ADGRL3: variants seen among roughly 807,000 people sequenced by gnomAD.
ADGRL3 encodes the protein adhesion G protein-coupled receptor L3.
In ADGRL3, 62 loss-of-function variants were observed where a neutral mutation model predicts 153.5. The ratio of observed to expected loss-of-function variants is 0.40; its 90% confidence interval spans 0.33 to 0.50. The LOEUF (loss-of-function observed/expected upper bound fraction) is 0.50, where lower values mean the gene tolerates loss of function less well. Among genes scored for constraint, ADGRL3 ranks in the 20% least tolerant of loss-of-function variants. ADGRL3 has a pLI of 0.47. For synonymous variants in ADGRL3, 710 were observed against 672.5 expected, an observed-to-expected ratio of 1.06 and a Z score of -0.86; for missense variants, 1,641 against 1,859.4, an observed-to-expected ratio of 0.88 and a Z score of 2.16.
At position 61,676,799 on chromosome 4, in the gene ADGRL3, A is replaced by G. The variant is rs368117520; in HGVS notation, c.474-27A>G. On this transcript the variant is annotated intron_variant, in intron 5 of 26. Coordinates refer to ENST00000683033, the MANE Select transcript of ADGRL3 (RefSeq NM_001387552.1). ...TAATTTAACTTTGCATAAGCTTACT[A>G]CTTCTTTTCCTTTCTTTTGACTTCA... is the stretch of plus-strand genomic sequence containing the variant. The G allele has an allele frequency of 2.5e-5, 36 of 1,445,582 alleles. No individual in the cohort carries two copies. In the African/African-American group the frequency reaches 4.8e-4, roughly 19 times the overall value. The allele number at this position is 1,445,582 out of a possible 1,614,324, so 89.5% of individuals were successfully genotyped here.
intron 9 of ADGRL3, among the ~76,000 whole-genome samples, chr4:61,860,868 A>G (rs1309511083): frequency 1.3e-5 from 2 of 152,186 alleles, no homozygotes; most frequent in African/African-American, 4.8e-5. Context: ...AGCAAGTGCA[A>G]AGTAACATAA....
chr4:61,408,345 G>A (rs2097030960), intron 2 of ADGRL3, among the ~76,000 whole-genome samples: 1 of 151,750 alleles, frequency 6.6e-6, no homozygotes, highest in African/African-American at 2.4e-5. Flanking sequence ...TTGGCCAGTG[G>A]GAAGGCTATT....
chr4:62,062,382 G>A (rs1169613928), intron 25 of ADGRL3, among the ~76,000 whole-genome samples: 2 of 151,682 alleles, frequency 1.3e-5, no homozygotes, highest in Non-Finnish European at 2.9e-5. Context: ...ACAAATATTT[G>A]TGAATTTGTT....
intron 2 of ADGRL3, among the ~76,000 whole-genome samples, chr4:61,454,146 G>C (rs2152535026): frequency 6.6e-6 from 1 of 152,096 alleles, no homozygotes; most frequent in East Asian, 1.9e-4. Context: ...GAGAACTTCA[G>C]CTCTCATGGT....
intron 2 of ADGRL3, among the ~76,000 whole-genome samples, chr4:61,421,085 T>C (rs988034590): frequency 9.9e-5 from 15 of 151,916 alleles, no homozygotes; most frequent in African/African-American, 3.1e-4. Context: ...CCGAGGTGGG[T>C]GGATCACCTG....
At chr4:61,607,806 C>T (rs978456119) in intron 5 of ADGRL3, among the ~76,000 whole-genome samples, 9 of 152,132 alleles carry the variant, frequency 5.9e-5, no homozygotes, top group African/African-American at 2.2e-4. Context: ...GTTTCAGCCC[C>T]TGAACAAGGA....
intron 13 of ADGRL3, among the ~76,000 whole-genome samples, chr4:61,927,450 A>G (rs2098799332): frequency 1.3e-5 from 2 of 152,044 alleles, no homozygotes; most frequent in African/African-American, 2.4e-5. Flanking sequence ...AAAGGTCCCT[A>G]TTACTATATT....
intron 6 of ADGRL3, among the ~76,000 whole-genome samples, chr4:61,683,082 T>C (rs2095370509): frequency 6.6e-6 from 1 of 150,766 alleles, no homozygotes; most frequent in African/African-American, 2.4e-5. Flanking sequence ...TCATGGATGC[T>C]CTTCTAGAGA....
chr4:61,796,822 A>T (rs2097420643), intron 8 of ADGRL3, among the ~76,000 whole-genome samples: 1 of 152,202 alleles, frequency 6.6e-6, no homozygotes, highest in Non-Finnish European at 1.5e-5. Flanking sequence ...AAAGGAGTAG[A>T]TACAAATTTC....
chr4:61,797,832 A>G (rs944545187), intron 8 of ADGRL3, among the ~76,000 whole-genome samples: 1 of 152,182 alleles, frequency 6.6e-6, no homozygotes, highest in Non-Finnish European at 1.5e-5. Flanking sequence ...ATCAGGATCT[A>G]TGTCATTATC....
intron 26 of ADGRL3, among the ~76,000 whole-genome samples, chr4:62,068,401 G>C (rs1044342143): frequency 6.6e-6 from 1 of 152,118 alleles, no homozygotes; most frequent in African/African-American, 2.4e-5. Context: ...TAGTTGTTAA[G>C]TTTCATGTAA....
At chr4:61,770,018 G>A (rs533839850) in intron 8 of ADGRL3, among the ~76,000 whole-genome samples, 28 of 152,288 alleles carry the variant, frequency 1.8e-4, no homozygotes, top group Non-Finnish European at 3.8e-4. Context: ...GGGCTCAGAG[G>A]CCTGACACAA....
chr4:61,496,594 A>G (rs2098320074), intron 2 of ADGRL3, among the ~76,000 whole-genome samples: 1 of 151,534 alleles, frequency 6.6e-6, no homozygotes, highest in Non-Finnish European at 1.5e-5. Context: ...GTGAGCCGAG[A>G]TCGTGCCATT....
chr4:61,240,980 C>T (rs1030821171), intron 1 of ADGRL3, among the ~76,000 whole-genome samples: 2 of 151,776 alleles, frequency 1.3e-5, no homozygotes, highest in Admixed American at 6.6e-5. Context: ...TCATTGAGCA[C>T]TTACTGTTTA....
intron 7 of ADGRL3, among the ~76,000 whole-genome samples, chr4:61,732,458 A>T (rs1320501503): frequency 6.6e-6 from 1 of 152,200 alleles, no homozygotes; most frequent in East Asian, 1.9e-4. Context: ...GACATATGTT[A>T]CATCTGATAT....
chr4:61,428,872 TATATC>T (rs149345193), intron 2 of ADGRL3, among the ~76,000 whole-genome samples: 2,550 of 117,546 alleles, frequency 0.022, 22 homozygotes, highest in Middle Eastern at 0.05. Flanking sequence ...TCTATCTATC[TATATC>T]ATCTATCTAT....
intron 8 of ADGRL3, among the ~76,000 whole-genome samples, chr4:61,768,960 TAAG>T (rs994207026): frequency 2.7e-5 from 4 of 150,810 alleles, no homozygotes; most frequent in Non-Finnish European, 3.0e-5. Flanking sequence ...GGCACAGAGA[TAAG>T]AGGTTGGGGT....
chr4:62,028,099 G>C (rs1301319930), intron 21 of ADGRL3, among the ~76,000 whole-genome samples: 4 of 151,720 alleles, frequency 2.6e-5, no homozygotes, highest in African/African-American at 9.7e-5. Context: ...GAAAGGAACA[G>C]TTTCTCTTCT....
intron 24 of ADGRL3, among the ~76,000 whole-genome samples, chr4:62,042,877 C>T (rs538333439): frequency 1.3e-5 from 2 of 151,888 alleles, no homozygotes; most frequent in Non-Finnish European, 2.9e-5. Context: ...CCTTGGAAAC[C>T]CTTTGAACCC....
Sources: gnomAD v4.1 joint callset for allele counts (sites outside exome capture counted in the v4.1 genomes callset) on GRCh38, gnomAD v4.1.1 for gene constraint, MANE v1.5 for transcripts, NCBI Gene and HGNC (gene_info 2026-07-23, HGNC 2026-07-21) for gene names.